HDAC4: variants seen among roughly 807,000 people sequenced by gnomAD.
The protein encoded by HDAC4 is histone deacetylase A.
Under a neutral mutation model 135.1 loss-of-function variants are expected in HDAC4, and 16 were observed. That is an observed-to-expected ratio of 0.12 (90% CI 0.08 to 0.18). The LOEUF is 0.18. HDAC4 is among the 10% of genes least tolerant of loss of function. HDAC4 has a pLI of 1.00. For synonymous variants in HDAC4, 685 were observed against 653.4 expected, an observed-to-expected ratio of 1.05 and a Z score of -0.74; for missense variants, 1,143 against 1,511.8, an observed-to-expected ratio of 0.76 and a Z score of 4.05.
chr2:239,263,080 G>A (rs2049472234), intron 2 of HDAC4, among the ~76,000 whole-genome samples: 1 of 152,226 alleles, frequency 6.6e-6, no homozygotes, highest in Admixed American at 6.5e-5. Flanking sequence ...CCCAGAACCT[G>A]CTGCGGCGGT....
chr2:239,109,012 G>A (rs2038420824), intron 14 of HDAC4, among the ~76,000 whole-genome samples: 1 of 152,236 alleles, frequency 6.6e-6, no homozygotes, highest in Non-Finnish European at 1.5e-5. Flanking sequence ...GAAGGGGAGA[G>A]TATCTGACCT....
At chr2:239,086,409 T>G (rs2035958325) in intron 19 of HDAC4, among the ~76,000 whole-genome samples, 1 of 149,140 alleles carries the variant, frequency 6.7e-6, no homozygotes, top group South Asian at 2.1e-4. Flanking sequence ...ATCTCTCACG[T>G]ACAGTCTCCT....
intron 14 of HDAC4, among the ~76,000 whole-genome samples, chr2:239,108,853 C>CT (rs2038399410): frequency 6.6e-6 from 1 of 152,196 alleles, no homozygotes; most frequent in Non-Finnish European, 1.5e-5. Context: ...GGACGGGCCC[C>CT]CAGGGTGCGG....
At chr2:239,266,151 C>T (rs563874314) in intron 2 of HDAC4, among the ~76,000 whole-genome samples, 175 of 152,328 alleles carry the variant, frequency 1.1e-3, no homozygotes, top group African/African-American at 4.1e-3. Context: ...CCAGGCCAGC[C>T]GGAGCCCACC....
chr2:239,129,331 A>G (rs2040410320), intron 11 of HDAC4, among the ~76,000 whole-genome samples: 1 of 152,196 alleles, frequency 6.6e-6, no homozygotes, highest in Admixed American at 6.5e-5. Flanking sequence ...GCTTCTGATG[A>G]CAGACCATGA....
At chr2:239,393,047 G>A (rs148297847) in intron 1 of HDAC4, among the ~76,000 whole-genome samples, 115 of 152,324 alleles carry the variant, frequency 7.5e-4, no homozygotes, top group East Asian at 7.3e-3. Context: ...GCTCTCGCCA[G>A]CACTGCTAGA....
chr2:239,328,321 G>T (rs571899399), intron 2 of HDAC4, among the ~76,000 whole-genome samples: 1 of 152,340 alleles, frequency 6.6e-6, no homozygotes, highest in South Asian at 2.1e-4. Context: ...AGGGCAGGAT[G>T]AATGTAGTCC....
chr2:239,181,734 A>T (rs1324228643), intron 4 of HDAC4, among the ~76,000 whole-genome samples: 1 of 152,134 alleles, frequency 6.6e-6, no homozygotes, highest in Non-Finnish European at 1.5e-5. Context: ...GCGCACTTGC[A>T]CCTAAATATT....
At position 239,380,140 on chromosome 2, in the gene HDAC4, A is replaced by G. The variant is rs565176341; in HGVS notation, c.-220+20838T>C. ...AGAGGGCCCTCATGAGGCTCGATTC[A>G]TTCAGAGAAAGAAAACAGCACAATC... On this transcript the variant is annotated intron_variant, in intron 1 of 26. Coordinates refer to ENST00000543185, the MANE Select transcript of HDAC4 (RefSeq NM_001378414.1). 5.2e-4 allele frequency among the ~76,000 whole-genome samples: 79 copies of G among 152,362 alleles called. 1 individual carries two copies. Among genetic ancestry groups the G allele is most frequent in the Middle Eastern group, 6.8e-3 (2 of 294 alleles).
At chr2:239,342,250 C>T (rs1019763816) in intron 2 of HDAC4, among the ~76,000 whole-genome samples, 5 of 151,496 alleles carry the variant, frequency 3.3e-5, no homozygotes, top group African/African-American at 4.8e-5. Context: ...TGGCTCCAAT[C>T]ACAAAACTTC....
At chr2:239,074,138 A>G (rs963736839) in intron 22 of HDAC4, among the ~76,000 whole-genome samples, 1 of 152,248 alleles carries the variant, frequency 6.6e-6, no homozygotes, top group Non-Finnish European at 1.5e-5. Flanking sequence ...AACTGTCCAC[A>G]TCATCCCAAG....
intron 24 of HDAC4, among the ~76,000 whole-genome samples, chr2:239,059,307 G>A (rs535643406): frequency 2.0e-5 from 3 of 152,336 alleles, no homozygotes; most frequent in South Asian, 4.1e-4. Context: ...AAGAAGGAAA[G>A]AAGATAGATG....
At chr2:239,187,841 G>A (rs896641619) in intron 4 of HDAC4, among the ~76,000 whole-genome samples, 1 of 152,222 alleles carries the variant, frequency 6.6e-6, no homozygotes, top group Non-Finnish European at 1.5e-5. Context: ...ACAGGGACAA[G>A]TGACGTGTTT....
At chr2:239,107,937 G>A (rs1046809242) in intron 15 of HDAC4, 113 bp downstream of exon 15, 4 of 1,359,634 alleles carry the variant, frequency 2.9e-6, no homozygotes, top group Non-Finnish European at 4.1e-6. Context: ...CCCCGGGGCT[G>A]TAAGCCCAAA....
At chr2:239,283,989 G>A (rs1440093752) in intron 2 of HDAC4, among the ~76,000 whole-genome samples, 5 of 152,202 alleles carry the variant, frequency 3.3e-5, no homozygotes, top group Admixed American at 1.3e-4. Flanking sequence ...CCCCGAAGGC[G>A]CCAAGGGCGT....
At chr2:239,109,979 G>A (rs906570156) in intron 14 of HDAC4, among the ~76,000 whole-genome samples, 1 of 152,188 alleles carries the variant, frequency 6.6e-6, no homozygotes, top group African/African-American at 2.4e-5. Context: ...CACAGCTGAG[G>A]GTGGCAGAGC....
chr2:239,367,782 T>G (rs1694317185), intron 1 of HDAC4, among the ~76,000 whole-genome samples: 1 of 152,098 alleles, frequency 6.6e-6, no homozygotes. Context: ...GAGGTAAGCC[T>G]GGCCAACATG....
chr2:239,258,002 G>T (rs1056584603), intron 2 of HDAC4, among the ~76,000 whole-genome samples: 7 of 152,128 alleles, frequency 4.6e-5, no homozygotes, highest in African/African-American at 1.7e-4. Flanking sequence ...TTCTAGTAAC[G>T]ATAAAAGAGT....
intron 8 of HDAC4, chr2:239,140,827 G>T: frequency 2.7e-6 from 1 of 376,704 alleles, no homozygotes. Flanking sequence ...CTTGCTGCCC[G>T]CGTCCTCCTG....
Sources: gnomAD v4.1 joint callset for allele counts (sites outside exome capture counted in the v4.1 genomes callset) on GRCh38, gnomAD v4.1.1 for gene constraint, MANE v1.5 for transcripts, NCBI Gene and HGNC (gene_info 2026-07-23, HGNC 2026-07-21) for gene names.